CTNNA2: variants seen among roughly 807,000 people sequenced by gnomAD.
CTNNA2 encodes catenin alpha-2.
A neutral mutation model predicts 101.0 loss-of-function variants in CTNNA2; 42 were observed. That is an observed-to-expected ratio of 0.42 (90% CI 0.32 to 0.54). CTNNA2 has a LOEUF of 0.54. CTNNA2 is among the 20% of genes least tolerant of loss of function. The pLI, the probability that CTNNA2 is intolerant of heterozygous loss-of-function variation, is 0.14. For missense variants in CTNNA2, 871 were observed against 1,223.1 expected, an observed-to-expected ratio of 0.71 and a Z score of 4.29; for synonymous variants, 450 against 456.4, an observed-to-expected ratio of 0.99 and a Z score of 0.18.
chr2:79,679,140 G>T (rs1051348398), intron 2 of CTNNA2, among the ~76,000 whole-genome samples: 2 of 152,060 alleles, frequency 1.3e-5, no homozygotes, highest in African/African-American at 4.8e-5. Flanking sequence ...ACTGTGTTTC[G>T]CCTCCTAGAG....
At chr2:80,645,301 G>T (rs987846942) in intron 18 of CTNNA2, among the ~76,000 whole-genome samples, 1 of 152,122 alleles carries the variant, frequency 6.6e-6, no homozygotes, top group African/African-American at 2.4e-5. Flanking sequence ...ATCTGTTCCT[G>T]ATTGTTCCCA....
chr2:79,925,539 A>T (rs1471799273), intron 7 of CTNNA2, among the ~76,000 whole-genome samples: 2 of 152,170 alleles, frequency 1.3e-5, no homozygotes, highest in Non-Finnish European at 2.9e-5. Flanking sequence ...AGGATTATTT[A>T]CTAGCAAATC....
At chr2:80,342,625 C>T (rs976592024) in intron 7 of CTNNA2, among the ~76,000 whole-genome samples, 6 of 152,164 alleles carry the variant, frequency 3.9e-5, no homozygotes, top group African/African-American at 1.4e-4. Context: ...TAATCAACTG[C>T]CACCTAATTT....
intron 7 of CTNNA2, among the ~76,000 whole-genome samples, chr2:80,387,044 T>C (rs1361325573): frequency 6.6e-6 from 1 of 152,144 alleles, no homozygotes; most frequent in African/African-American, 2.4e-5. Context: ...ATACTCATTT[T>C]CTGGGAGGCC....
At chr2:79,572,120 T>C (rs1427346193) in intron 1 of CTNNA2, among the ~76,000 whole-genome samples, 1 of 152,156 alleles carries the variant, frequency 6.6e-6, no homozygotes, top group Admixed American at 6.5e-5. Flanking sequence ...TTAACTTGGC[T>C]GTCTTCCAGT....
chr2:79,609,421 G>T (rs1298472393), intron 1 of CTNNA2, among the ~76,000 whole-genome samples: 1 of 152,032 alleles, frequency 6.6e-6, no homozygotes, highest in Non-Finnish European at 1.5e-5. Context: ...ATTCCAGTAA[G>T]ATTTTTGGCA....
At chr2:80,622,044 A>G (rs1264058145) in intron 18 of CTNNA2, among the ~76,000 whole-genome samples, 1 of 151,954 alleles carries the variant, frequency 6.6e-6, no homozygotes, top group Non-Finnish European at 1.5e-5. Flanking sequence ...AGCTGAAGAT[A>G]TATCTTGTGT....
chr2:80,608,152 C>A (rs758721342), intron 16 of CTNNA2, 32 bp from the exon 17 acceptor site: 1 of 1,580,796 alleles, frequency 6.3e-7, no homozygotes, highest in Non-Finnish European at 8.7e-7. Context: ...AGAGTACTTA[C>A]TAATCAAGAT....
chr2:80,098,541 A>G (rs983402960), intron 7 of CTNNA2, among the ~76,000 whole-genome samples: 2 of 152,212 alleles, frequency 1.3e-5, no homozygotes, highest in Admixed American at 1.3e-4. Context: ...GCTGTCAGAC[A>G]GGGACATTTA....
At chr2:79,967,998 T>C (rs1368129621) in intron 7 of CTNNA2, among the ~76,000 whole-genome samples, 1 of 152,162 alleles carries the variant, frequency 6.6e-6, no homozygotes, top group East Asian at 1.9e-4. Context: ...ATATCCAGAA[T>C]TGGCAAATCT....
At chr2:80,535,495 A>G (rs1255243419) in intron 9 of CTNNA2, among the ~76,000 whole-genome samples, 2 of 152,188 alleles carry the variant, frequency 1.3e-5, no homozygotes, top group Non-Finnish European at 2.9e-5. Flanking sequence ...CTGAGACACA[A>G]TTGAGGCTCA....
At chr2:79,884,691 TC>T (rs1683705121) in intron 6 of CTNNA2, among the ~76,000 whole-genome samples, 1 of 151,808 alleles carries the variant, frequency 6.6e-6, no homozygotes, top group African/African-American at 2.4e-5. Flanking sequence ...TACCTAATTT[TC>T]CCTACCTGCC....
chr2:80,305,064 G>C, intron 7 of CTNNA2: 1 of 985,062 alleles, frequency 1.0e-6, no homozygotes. Flanking sequence ...AACTGTCTAC[G>C]TGTAAGAGAT....
chr2:79,950,110 C>T (rs1688775656), intron 7 of CTNNA2, among the ~76,000 whole-genome samples: 2 of 150,410 alleles, frequency 1.3e-5, no homozygotes, highest in African/African-American at 2.4e-5. Context: ...TAAGCATTAG[C>T]ATTATTACTT....
intron 2 of CTNNA2, among the ~76,000 whole-genome samples, chr2:79,257,183 A>G (rs1420613246): frequency 2.6e-5 from 4 of 152,180 alleles, no homozygotes; most frequent in South Asian, 2.1e-4. Context: ...AGAATAATCC[A>G]TGTGACACAC....
At chr2:79,485,960 C>T (rs1671153094) in intron 4 of CTNNA2, among the ~76,000 whole-genome samples, 1 of 151,876 alleles carries the variant, frequency 6.6e-6, no homozygotes, top group Admixed American at 6.6e-5. Flanking sequence ...TTTGGATGAC[C>T]ATCGTGTAAG....
chr2:79,200,949 A>C (rs1674025919), intron 2 of CTNNA2, among the ~76,000 whole-genome samples: 1 of 151,966 alleles, frequency 6.6e-6, no homozygotes, highest in African/African-American at 2.4e-5. Context: ...GTAAAGAAGA[A>C]AAAAAACAGA....
intron 3 of CTNNA2, among the ~76,000 whole-genome samples, chr2:79,763,321 C>T (rs568906734): frequency 9.2e-5 from 14 of 152,188 alleles, no homozygotes; most frequent in African/African-American, 3.4e-4. Flanking sequence ...CTTGCACAGA[C>T]CCTGATATTT....
chr2:79,553,011 G>A lies in CTNNA2; in HGVS notation c.-6+39804G>A, dbSNP rs528241243. On this transcript the variant is annotated intron_variant, in intron 1 of 18. Transcript: ENST00000402739. ...TGCAGCTGGCTTGAATTCCTTCTTA[G>A]AAAATGGGTTTTTCTTTTCTACCAC... is the stretch of plus-strand genomic sequence containing the variant. Among the ~76,000 whole-genome samples, 8 of 152,268 alleles carry A rather than the reference G, an allele frequency of 5.3e-5. No homozygotes were observed. In the East Asian group the frequency reaches 7.7e-4, roughly 15 times the overall value.
Sources: allele counts gnomAD v4.1 joint callset (sites outside exome capture counted in the v4.1 genomes callset), GRCh38; gene constraint gnomAD v4.1.1; transcripts MANE v1.5; gene names NCBI Gene and HGNC (gene_info 2026-07-23, HGNC 2026-07-21).